LRRC9: variants seen among roughly 807,000 people sequenced by gnomAD.
LRRC9 encodes leucine rich repeat containing 9, also known as leucine-rich repeat-containing protein 9.
In LRRC9, 122 loss-of-function variants were observed where a neutral mutation model predicts 63.2. That is an observed-to-expected ratio of 1.93 (90% CI 1.67 to 2.24). LRRC9 has a LOEUF of 2.24. Ranked by LOEUF, LRRC9 falls within the 30% of genes most tolerant of loss-of-function variation. The probability of loss-of-function intolerance (pLI) is 0.00; values close to 1 mark genes in which losing one functional copy is unlikely to be tolerated. For missense variants in LRRC9, 1,071 were observed against 627.7 expected (o/e 1.71, Z -7.55); for synonymous variants, 366 against 213.1 (o/e 1.72, Z -6.25).
At chr14:59,981,535 A>C (rs753349515) in intron 15 of LRRC9, among the ~76,000 whole-genome samples, 1 of 152,138 alleles carries the variant, frequency 6.6e-6, no homozygotes, top group Non-Finnish European at 1.5e-5. Flanking sequence ...GATCCTATTT[A>C]CCTGTCAGTT....
chr14:60,066,367 G>C (rs1894884096), downstream of LRRC9, among the ~76,000 whole-genome samples: 1 of 151,886 alleles, frequency 6.6e-6, no homozygotes, highest in South Asian at 2.1e-4. Context: ...CATGCTCTAG[G>C]CTCTTGGCTT....
At position 60,027,583 on chromosome 14, in the gene LRRC9, T is replaced by A. The variant is rs1303096549; in HGVS notation, c.3704-301T>A. Among the ~76,000 whole-genome samples the A allele has an allele frequency of 6.6e-6, 1 of 152,116 alleles. No individual in the cohort carries two copies. The highest frequency in any genetic ancestry group is 1.9e-4 in the East Asian group (1 of 5,190). On this transcript the variant is annotated intron_variant, in intron 27 of 31. Coordinates refer to ENST00000445360, the Ensembl canonical transcript of LRRC9. This position sits in a 1 kb window ranked among gnomAD's most constrained non-coding sequence, Gnocchi z 4.0. The stretch of plus-strand genomic sequence containing the variant: ...TGCAGCAGTCTTCTATATCTACTTT[T>A]GTCAATACCGACTATTTTAACACTT...
intron 23 of LRRC9, among the ~76,000 whole-genome samples, chr14:60,009,916 C>T (rs1011398284): frequency 5.3e-5 from 8 of 152,232 alleles, no homozygotes; most frequent in Admixed American, 3.9e-4. Flanking sequence ...CCATGTCTCA[C>T]ATCCAGGTCA....
chr14:60,025,508 G>A (rs529700463), intron 27 of LRRC9, among the ~76,000 whole-genome samples: 1 of 152,058 alleles, frequency 6.6e-6, no homozygotes, highest in South Asian at 2.1e-4. Context: ...TGATGCCATG[G>A]CGAGCATGGC....
At chr14:59,993,881 A>C (rs1363462121) in intron 17 of LRRC9, among the ~76,000 whole-genome samples, 3 of 152,170 alleles carry the variant, frequency 2.0e-5, no homozygotes. Flanking sequence ...TTAACACCCC[A>C]CTGTCAACAT....
intron 31 of LRRC9, chr14:60,059,246 G>T (rs1273234757): frequency 6.6e-6 from 1 of 152,128 alleles, no homozygotes; most frequent in African/African-American, 2.4e-5. Context: ...CCAACAACAT[G>T]TGCTCACTTT....
chr14:59,928,412 G>T, exon 3 of LRRC9: 1 of 697,818 alleles, frequency 1.4e-6, no homozygotes, highest in Non-Finnish European at 2.6e-6. Flanking sequence ...TGTTGCTCAA[G>T]ATATAAAAGA....
rs557605939 is a variant in LRRC9, at chr14:60,050,788, T to A, written c.3991-2277T>A. On this transcript the variant is annotated intron_variant, in intron 29 of 31. Transcript: ENST00000445360. ...CATTTTTGTTGATGTTCTTGTCTGT[T>A]TGTTTGTTCTTAACAATCAGGCCAC... Among the ~76,000 whole-genome samples the A allele has an allele frequency of 2.4e-4, 37 of 152,176 alleles. 1 individual carries two copies. The South Asian group carries it at 7.5e-3, about 31-fold the overall frequency.
intron 6 of LRRC9, among the ~76,000 whole-genome samples, chr14:59,934,146 GA>G (rs1249137662): frequency 4.0e-5 from 6 of 151,614 alleles, no homozygotes; most frequent in Admixed American, 2.6e-4. Context: ...GAAAAAAAAA[GA>G]AAAAAAGAAG....
At chr14:59,978,565 G>C (rs1308354536) in intron 15 of LRRC9, among the ~76,000 whole-genome samples, 1 of 152,010 alleles carries the variant, frequency 6.6e-6, no homozygotes, top group African/African-American at 2.4e-5. Flanking sequence ...AGTATTCTGT[G>C]ATTTTTTTGC....
chr14:59,938,546 G>A lies in LRRC9; in HGVS notation c.700G>A (p.Ala234Thr). The stretch of plus-strand genomic sequence containing the variant: ...AAGATTTGACACATTGGATGTGTCA[G>A]CAAAGCAAATCAAGGAACTGGCAGA... Residue 234 changes from alanine (A) to threonine (T), a missense_variant, in exon 7 of 32, where the codon GCA (alanine) becomes ACA (threonine). Physicochemically the swap from Ala to Thr is moderately conservative, Grantham distance 58. Coordinates refer to ENST00000445360, the Ensembl canonical transcript of LRRC9. The surrounding 1 kb of genome is among the most constrained non-coding windows in gnomAD (Gnocchi z 4.2). 1.4e-6 allele frequency: 1 copy of A among 691,864 alleles called. No individual in the cohort carries two copies. Among genetic ancestry groups the A allele is most frequent in the African/African-American group, 1.8e-5 (1 of 56,442 alleles). The allele number at this position is 691,864 out of a possible 1,614,324, so 42.9% of individuals were successfully genotyped here.
At chr14:60,029,414 C>T (rs2140320215) in intron 28 of LRRC9, among the ~76,000 whole-genome samples, 1 of 152,080 alleles carries the variant, frequency 6.6e-6, no homozygotes, top group East Asian at 1.9e-4. Flanking sequence ...TATGAAACAT[C>T]TCCATTTTAA....
rs967671313 is a variant in LRRC9 at position 59,964,736 on chromosome 14, A to G, written c.1212-1853A>G. 2.0e-5 allele frequency among the ~76,000 whole-genome samples: 3 copies of G among 152,162 alleles called. No individual in the cohort carries two copies. Among genetic ancestry groups the G allele is most frequent in the Admixed American group, 2.0e-4 (3 of 15,280 alleles). On this transcript the variant is annotated intron_variant, in intron 10 of 31. Transcript: ENST00000445360. This position sits in a 1 kb window ranked among gnomAD's most constrained non-coding sequence, Gnocchi z 4.4. Reference sequence around the variant, plus strand: ...GGAGGGGCAGTAGCTTCCCCACCTCAGATGCTAATGTGGCTGTTTTGTAGG... The same window carrying G: ...GGAGGGGCAGTAGCTTCCCCACCTCGGATGCTAATGTGGCTGTTTTGTAGG...
At chr14:60,041,683 C>T (rs186982278) in intron 29 of LRRC9, among the ~76,000 whole-genome samples, 7 of 152,244 alleles carry the variant, frequency 4.6e-5, no homozygotes, top group Admixed American at 4.6e-4. Flanking sequence ...GTGATGTGTT[C>T]GAACACCCTC....
At chr14:60,016,224 G>T (rs1381569540) in intron 23 of LRRC9, among the ~76,000 whole-genome samples, 1 of 151,884 alleles carries the variant, frequency 6.6e-6, no homozygotes, top group African/African-American at 2.4e-5. Context: ...AAAATTTTTA[G>T]AGACAGGATC....
intron 7 of LRRC9, among the ~76,000 whole-genome samples, chr14:59,944,126 T>C (rs1395301187): frequency 6.6e-6 from 1 of 151,952 alleles, no homozygotes; most frequent in Non-Finnish European, 1.5e-5. Flanking sequence ...CATTCTTTTA[T>C]ACATTTGAAA....
chr14:60,054,125 T>G, intron 30 of LRRC9: 1 of 280,296 alleles, frequency 3.6e-6, no homozygotes, highest in Middle Eastern at 5.9e-4. Context: ...CATACTCTCC[T>G]AACAGGCTTT....
chr14:59,924,583 C>A (rs1464638127), intron 1 of LRRC9, among the ~76,000 whole-genome samples: 1 of 152,186 alleles, frequency 6.6e-6, no homozygotes, highest in Non-Finnish European at 1.5e-5. Context: ...ATTACAACTG[C>A]CCATTAACTA....
In LRRC9 at chr14:59,923,864, C is replaced by A. The variant is rs151252936; in HGVS notation, c.-34+3981C>A. ...GCTGAGGCAGGAGTATGGCGTGAAC[C>A]CGGGAGGTGGAGCTTGCAGTGAGCT... On this transcript the variant is annotated intron_variant, in intron 1 of 31. Transcript: ENST00000445360. This position sits in a 1 kb window ranked among gnomAD's most constrained non-coding sequence, Gnocchi z 4.2. Among the ~76,000 whole-genome samples, 182 of 152,266 alleles carry A rather than the reference C, an allele frequency of 1.2e-3. No homozygotes were observed. Among genetic ancestry groups the A allele is most frequent in the African/African-American group, 4.2e-3 (175 of 41,554 alleles).
Sources: gnomAD v4.1 joint callset for allele counts (sites outside exome capture counted in the v4.1 genomes callset) on GRCh38, gnomAD v4.1.1 for gene constraint, Gnocchi (gnomAD v3.1) non-coding constraint, MANE v1.5 for transcripts, NCBI Gene and HGNC (gene_info 2026-07-23, HGNC 2026-07-21) for gene names.